HTR2C: variants seen among roughly 807,000 people sequenced by gnomAD.
HTR2C encodes 5-hydroxytryptamine receptor 2C, also known as 5-hydroxytryptamine (serotonin) receptor 2C, G protein-coupled.
A neutral mutation model predicts 21.0 loss-of-function variants in HTR2C; 5 were observed. The ratio of observed to expected loss-of-function variants is 0.24; its 90% confidence interval spans 0.12 to 0.50. HTR2C has a LOEUF of 0.50. Ranked by LOEUF, HTR2C falls within the 20% of genes least tolerant of loss-of-function variation. The probability of loss-of-function intolerance (pLI) is 0.98; values close to 1 mark genes in which losing one functional copy is unlikely to be tolerated. For missense variants in HTR2C, 271 were observed against 371.2 expected, an observed-to-expected ratio of 0.73 and a Z score of 2.22; for synonymous variants, 150 against 145.3, an observed-to-expected ratio of 1.03 and a Z score of -0.23.
At chrX:114,825,129 T>C (rs1295071393) in intron 4 of HTR2C, among the ~76,000 whole-genome samples, 1 of 111,657 alleles carries the variant, frequency 9.0e-6, no homozygotes, top group Non-Finnish European at 1.9e-5. Flanking sequence ...ATTTTATTGA[T>C]TTCTGCTTTT....
At chrX:114,687,398 A>G (rs1556414389) in intron 2 of HTR2C, among the ~76,000 whole-genome samples, 1 of 112,374 alleles carries the variant, frequency 8.9e-6, no homozygotes, top group African/African-American at 3.2e-5. Flanking sequence ...CATCATCTCA[A>G]GGTATCCTGT....
intron 4 of HTR2C, among the ~76,000 whole-genome samples, chrX:114,764,592 G>A (rs1219370077): frequency 9.0e-6 from 1 of 111,621 alleles, no homozygotes; most frequent in African/African-American, 3.3e-5. Flanking sequence ...GCCAACACTT[G>A]AGTTTTTGCT....
chrX:114,844,991 C>G (rs1169289096), intron 4 of HTR2C, among the ~76,000 whole-genome samples: 1 of 111,286 alleles, frequency 9.0e-6, no homozygotes, highest in Non-Finnish European at 1.9e-5. Context: ...AAATAGAGGA[C>G]TTGAACAACA....
chrX:114,739,336 A>G (rs2069622217), intron 4 of HTR2C, among the ~76,000 whole-genome samples: 1 of 111,821 alleles, frequency 8.9e-6, no homozygotes, highest in Admixed American at 9.6e-5. Flanking sequence ...TAAAAACTGA[A>G]CAAGTATAAC....
intron 5 of HTR2C, among the ~76,000 whole-genome samples, chrX:114,885,905 C>T (rs1250058614): frequency 9.0e-6 from 1 of 111,180 alleles, no homozygotes; most frequent in Non-Finnish European, 1.9e-5. Context: ...TCATCTATTT[C>T]CTGGTCGATT....
In HTR2C at chrX:114,789,720, G is replaced by A. The variant is rs187149872; in HGVS notation, c.349+58113G>A. On this transcript the variant is annotated intron_variant, in intron 4 of 5. Coordinates refer to ENST00000276198, the MANE Select transcript of HTR2C (RefSeq NM_000868.4). Reference sequence around the variant, plus strand: ...TATTGATAAGAAGGATAAGAAGTTTGTGTCTTATCCAAGGACTCTCATAAA... The same window carrying A: ...TATTGATAAGAAGGATAAGAAGTTTATGTCTTATCCAAGGACTCTCATAAA... Among the ~76,000 whole-genome samples the A allele has an allele frequency of 1.3e-4, 14 of 111,205 alleles. No individual in the cohort carries two copies. The East Asian group carries it at 4.0e-3, about 32-fold the overall frequency.
intron 2 of HTR2C, among the ~76,000 whole-genome samples, chrX:114,631,310 A>G (rs1318690192): frequency 1.8e-5 from 2 of 110,590 alleles, no homozygotes; most frequent in Non-Finnish European, 3.8e-5. Context: ...CTCAAAGAAA[A>G]AAAAAAAAAA....
At chrX:114,839,389 A>T (rs1306418172) in intron 4 of HTR2C, among the ~76,000 whole-genome samples, 1 of 112,242 alleles carries the variant, frequency 8.9e-6, no homozygotes, top group Non-Finnish European at 1.9e-5. Flanking sequence ...CCAATAAAAA[A>T]ATCTTTAGTT....
At chrX:114,740,716 C>T (rs1569489768) in intron 4 of HTR2C, among the ~76,000 whole-genome samples, 1 of 111,235 alleles carries the variant, frequency 9.0e-6, no homozygotes, top group Non-Finnish European at 1.9e-5. Context: ...ATAACATAAC[C>T]ACACTGAAGT....
At chrX:114,809,965 G>A (rs1483481243) in intron 4 of HTR2C, among the ~76,000 whole-genome samples, 7 of 111,618 alleles carry the variant, frequency 6.3e-5, no homozygotes, top group Non-Finnish European at 9.4e-5. Flanking sequence ...GATTATTCAG[G>A]GACAAAAGGT....
chrX:114,798,067 T>TGTTAATCTCATTGAGCCTATAAGAATGA (rs2070311358), intron 4 of HTR2C, among the ~76,000 whole-genome samples: 1 of 32,243 alleles, frequency 3.1e-5, no homozygotes, highest in African/African-American at 6.4e-5. Context: ...AACATTGCCC[T>TGTTAATCTCATTGAGCCTATAAGAATGA]GTTAATCTCA....
intron 4 of HTR2C, among the ~76,000 whole-genome samples, chrX:114,820,465 A>C (rs1237247521): frequency 9.0e-6 from 1 of 110,627 alleles, no homozygotes; most frequent in Non-Finnish European, 1.9e-5. Flanking sequence ...TATCAGTCAT[A>C]TATACATGAC....
chrX:114,899,617 G>T (rs1342689328), intron 5 of HTR2C, among the ~76,000 whole-genome samples: 1 of 107,889 alleles, frequency 9.3e-6, no homozygotes, highest in Admixed American at 9.6e-5. Flanking sequence ...TTGACTGGAC[G>T]TGAGGGTTCC....
intron 2 of HTR2C, among the ~76,000 whole-genome samples, chrX:114,688,168 A>G (rs1216917872): frequency 1.2e-4 from 13 of 109,262 alleles, no homozygotes; most frequent in African/African-American, 4.3e-4. Context: ...TAAAAATACA[A>G]AAATTAGCCG....
intron 5 of HTR2C, among the ~76,000 whole-genome samples, chrX:114,876,520 C>G (rs2071138975): frequency 1.0e-5 from 1 of 100,033 alleles, no homozygotes; most frequent in African/African-American, 3.7e-5. Context: ...TGTTCCTCAT[C>G]TTAGAGGAAA....
rs370954807 is a variant in HTR2C, at chrX:114,890,951, C to T, written c.551-15638C>T. ...TGCTTCTTTCCTTTCTGTCTGGGGC[C>T]CAAATTATACCTATATTAAGCCACT... On this transcript the variant is annotated intron_variant, in intron 5 of 5. Transcript: ENST00000276198. 7.2e-5 allele frequency among the ~76,000 whole-genome samples: 8 copies of T among 111,091 alleles called. No individual in the cohort carries two copies. In the East Asian group the frequency reaches 2.3e-3, roughly 31 times the overall value.
intron 2 of HTR2C, among the ~76,000 whole-genome samples, chrX:114,709,249 T>C (rs782525086): frequency 2.2e-4 from 25 of 112,055 alleles, no homozygotes; most frequent in Non-Finnish European, 4.3e-4. Flanking sequence ...TCAAATTTAT[T>C]TTGTCAGATA....
At chrX:114,732,118 A>G (rs1246953136) in intron 4 of HTR2C, among the ~76,000 whole-genome samples, 1 of 112,376 alleles carries the variant, frequency 8.9e-6, no homozygotes, top group Non-Finnish European at 1.9e-5. Context: ...TGTTATTACA[A>G]AGAGACAAGA....
chrX:114,640,622 T>A (rs1556406215), intron 2 of HTR2C, among the ~76,000 whole-genome samples: 1 of 112,188 alleles, frequency 8.9e-6, no homozygotes, highest in Non-Finnish European at 1.9e-5. Flanking sequence ...GGTAACAAAT[T>A]GGGCATATTT....
Sources: gnomAD v4.1 joint callset for allele counts (sites outside exome capture counted in the v4.1 genomes callset) on GRCh38, gnomAD v4.1.1 for gene constraint, MANE v1.5 for transcripts, NCBI Gene and HGNC (gene_info 2026-07-23, HGNC 2026-07-21) for gene names.